Variants in NCOA2 observed in about 807,000 individuals in gnomAD.
NCOA2 encodes nuclear receptor coactivator 2.
NCOA2 carries 21 observed loss-of-function variants against 145.1 expected under a neutral mutation model. That is an observed-to-expected ratio of 0.14 (90% CI 0.10 to 0.21). NCOA2 has a LOEUF of 0.21. Ranked by LOEUF, NCOA2 falls within the 10% of genes least tolerant of loss-of-function variation. The pLI is 1.00. For missense variants in NCOA2, 1,472 were observed against 1,837.6 expected, an observed-to-expected ratio of 0.80 and a Z score of 3.64; for synonymous variants, 619 against 637.5, an observed-to-expected ratio of 0.97 and a Z score of 0.44.
chr8:70,297,744 T>G (rs1827195780), intron 1 of NCOA2, among the ~76,000 whole-genome samples: 1 of 152,258 alleles, frequency 6.6e-6, no homozygotes, highest in Non-Finnish European at 1.5e-5. Context: ...TGAGGGCAAC[T>G]GTTTGCAATG....
chr8:70,313,297 C>T (rs1367928250), intron 1 of NCOA2, among the ~76,000 whole-genome samples: 1 of 152,188 alleles, frequency 6.6e-6, no homozygotes, highest in Non-Finnish European at 1.5e-5. Context: ...TCTAACCCTT[C>T]CTCTAGGCAA....
chr8:70,437,885 T>C, the NCOA2 span, among the ~76,000 whole-genome samples: 1 of 152,184 alleles, frequency 6.6e-6, no homozygotes, highest in Admixed American at 6.5e-5. Flanking sequence ...ATGAGTTAAG[T>C]TTTTCCTAAT....
intron 9 of NCOA2, among the ~76,000 whole-genome samples, chr8:70,160,187 A>T (rs1021649517): frequency 2.6e-5 from 4 of 152,194 alleles, no homozygotes; most frequent in African/African-American, 9.7e-5. Context: ...CCTGTTTCTC[A>T]CTGTGTAAGA....
At chr8:70,315,785 C>G (rs1221589294) in intron 1 of NCOA2, among the ~76,000 whole-genome samples, 1 of 152,188 alleles carries the variant, frequency 6.6e-6, no homozygotes, top group Non-Finnish European at 1.5e-5. Flanking sequence ...AACCCACATT[C>G]CTGCCACAAG....
intron 1 of NCOA2, among the ~76,000 whole-genome samples, chr8:70,334,140 CT>C (rs1807356526): frequency 6.6e-6 from 1 of 152,206 alleles, no homozygotes; most frequent in East Asian, 1.9e-4. Flanking sequence ...ATTTTAACCC[CT>C]ATGCCTAACT....
chr8:70,193,454 G>A (rs1189771685), intron 4 of NCOA2, among the ~76,000 whole-genome samples: 1 of 152,048 alleles, frequency 6.6e-6, no homozygotes, highest in Admixed American at 6.6e-5. Context: ...ATCACACAAG[G>A]TATATACTTC....
At chr8:70,243,105 T>A (rs1822290542) in intron 2 of NCOA2, among the ~76,000 whole-genome samples, 1 of 152,140 alleles carries the variant, frequency 6.6e-6, no homozygotes, top group South Asian at 2.1e-4. Flanking sequence ...AATATGTTAA[T>A]CTGTTTATGA....
the NCOA2 span, among the ~76,000 whole-genome samples, chr8:70,425,426 C>T: frequency 4.0e-5 from 6 of 151,834 alleles, no homozygotes; most frequent in African/African-American, 1.5e-4. Flanking sequence ...CCCCTCCCTT[C>T]GGTGGCCACA....
the NCOA2 span, among the ~76,000 whole-genome samples, chr8:70,443,629 G>A: frequency 1.3e-5 from 2 of 152,088 alleles, no homozygotes; most frequent in Admixed American, 6.6e-5. Flanking sequence ...GGCATGATCA[G>A]ACCATAGTTT....
rs1015624606 is a variant in NCOA2, at chr8:70,124,718, C to A, written c.4064G>T (p.Gly1355Val). The A allele has an allele frequency of 2.5e-6, 4 of 1,612,136 alleles. No individual in the cohort carries two copies. In the East Asian group the frequency reaches 8.9e-5, roughly 36 times the overall value. The change falls in exon 20 of 23, where the codon GGA becomes GTA. Residue 1355 changes from glycine (G) to valine (V), a missense_variant. Gly to Val is a moderately radical substitution (Grantham distance 109). Coordinates refer to ENST00000452400, the MANE Select transcript of NCOA2 (RefSeq NM_006540.4). ...TCCGCCCATGTTCCCCTGCGCCCAT[C>A]CATTTATGTCGGAGGGGGCCTGATA... ...PAYQAPSDIN[G>V]WAQGNMGGNS...
At position 70,131,843 on chromosome 8, in the gene NCOA2, G is replaced by A; in HGVS notation, c.3318C>T (p.Val1106=). The change falls in exon 16 of 23, where the codon GTC becomes GTT. Residue 1106 remains valine, a synonymous_variant. Coordinates refer to ENST00000452400, the MANE Select transcript of NCOA2 (RefSeq NM_006540.4). ...IDRALGIPEL[V]SQSQAVDPEQ... ...GCTGCCCTTCCGCGCATACCTGGCT[G>A]ACCAGTTCGGGTATTCCTAAGGCTC... The A allele has an allele frequency of 6.3e-7, 1 of 1,589,054 alleles. No homozygotes were observed. The highest frequency in any genetic ancestry group is 8.6e-7 in the Non-Finnish European group (1 of 1,168,168).
the NCOA2 span, among the ~76,000 whole-genome samples, chr8:70,431,546 A>G: frequency 1.3e-5 from 2 of 152,230 alleles, no homozygotes; most frequent in African/African-American, 4.8e-5. Flanking sequence ...GAAATACACT[A>G]TTTGTGAAAG....
At chr8:70,403,930 A>C (rs1273881805), upstream of NCOA2, 1 of 373,554 alleles carries the variant, frequency 2.7e-6, no homozygotes, top group African/African-American at 2.1e-5. Flanking sequence ...CGAGCAGGGG[A>C]GGGGGCTCGG....
chr8:70,325,516 T>A (rs1326101850), intron 1 of NCOA2, among the ~76,000 whole-genome samples: 1 of 151,802 alleles, frequency 6.6e-6, no homozygotes, highest in Admixed American at 6.6e-5. Context: ...CTCAACCTCC[T>A]CTGGCTCAGG....
intron 1 of NCOA2, among the ~76,000 whole-genome samples, chr8:70,324,875 C>G (rs535312218): frequency 6.6e-6 from 1 of 151,968 alleles, no homozygotes; most frequent in Non-Finnish European, 1.5e-5. Context: ...TTTAAATTTT[C>G]CTTTTTATGT....
At chr8:70,418,583 G>A in the NCOA2 span, among the ~76,000 whole-genome samples, 11 of 152,106 alleles carry the variant, frequency 7.2e-5, no homozygotes, top group South Asian at 1.5e-3. Flanking sequence ...AGACCACACC[G>A]AGTCCCCCAT....
intron 9 of NCOA2, among the ~76,000 whole-genome samples, chr8:70,160,314 A>AC (rs1812794817): frequency 6.6e-6 from 1 of 152,214 alleles, no homozygotes. Flanking sequence ...TCTTAGCAAC[A>AC]CTGGAATTGG....
At chr8:70,301,245 A>G (rs1053230213) in intron 1 of NCOA2, among the ~76,000 whole-genome samples, 2 of 152,204 alleles carry the variant, frequency 1.3e-5, no homozygotes, top group Non-Finnish European at 2.9e-5. Context: ...TTTGGCAGAC[A>G]CTATTATTAA....
intron 1 of NCOA2, among the ~76,000 whole-genome samples, chr8:70,369,361 GCTTT>G (rs1245184404): frequency 2.6e-5 from 4 of 152,160 alleles, no homozygotes; most frequent in Non-Finnish European, 5.9e-5. Flanking sequence ...GATTAATCTG[GCTTT>G]CTAAGTTTGG....
Sources: gnomAD v4.1 joint callset for allele counts (sites outside exome capture counted in the v4.1 genomes callset) on GRCh38, gnomAD v4.1.1 for gene constraint, MANE v1.5 for transcripts, NCBI Gene and HGNC (gene_info 2026-07-23, HGNC 2026-07-21) for gene names.